MARCHF7: variants seen among roughly 807,000 people sequenced by gnomAD.
MARCHF7 encodes membrane associated ring-CH-type finger 7.
MARCHF7 carries 20 observed loss-of-function variants against 76.5 expected under a neutral mutation model. The observed-to-expected ratio is 0.26, with a 90% CI of 0.18 to 0.38. The LOEUF (loss-of-function observed/expected upper bound fraction) is 0.38, where lower values mean the gene tolerates loss of function less well. MARCHF7 is among the 10% of genes least tolerant of loss of function. The pLI is 1.00. For missense variants in MARCHF7, 797 were observed against 812.9 expected (o/e 0.98, Z 0.24); for synonymous variants, 295 against 293.0 (o/e 1.01, Z -0.07).
At chr2:159,727,592 A>T (rs963496182) in intron 3 of MARCHF7, among the ~76,000 whole-genome samples, 3 of 152,218 alleles carry the variant, frequency 2.0e-5, no homozygotes, top group African/African-American at 7.2e-5. Context: ...CGTCTCAGAA[A>T]AAAAAAGCTT....
rs1341714470 is a variant in MARCHF7, at chr2:159,769,149, A to C, written c.*1807A>C. ...CATACACTGCTCACTACAAGAATGCAATTTTCTAAGAAAATGTAGTTTAAA... is the reference window on the plus strand; with the variant it reads ...CATACACTGCTCACTACAAGAATGCCATTTTCTAAGAAAATGTAGTTTAAA... On this transcript the variant is annotated 3_prime_UTR_variant, in exon 12 of 12. Transcript: ENST00000409175. The C allele has an allele frequency of 6.6e-6, 1 of 152,222 alleles. No homozygotes were observed. Among genetic ancestry groups the C allele is most frequent in the Non-Finnish European group, 1.5e-5 (1 of 68,044 alleles). 9.4% of individuals were successfully genotyped at this position (152,222 alleles called of 1,614,324 possible).
chr2:159,739,129 C>A (rs1296534468), intron 4 of MARCHF7, among the ~76,000 whole-genome samples: 1 of 152,232 alleles, frequency 6.6e-6, no homozygotes, highest in Non-Finnish European at 1.5e-5. Flanking sequence ...AGGGAGGCTT[C>A]TCAGGCCCCT....
chr2:159,745,000 G>C (rs1218479700), intron 5 of MARCHF7, among the ~76,000 whole-genome samples: 1 of 152,196 alleles, frequency 6.6e-6, no homozygotes, highest in Non-Finnish European at 1.5e-5. Context: ...AAGCAACTGT[G>C]GTAGCAGTAA....
rs565931545 is a variant in MARCHF7, at chr2:159,714,046, C to G, written c.-142-511C>G. ...TTTTCCCAGATAAAGCACGAGGATG[C>G]CCAGGTTATGTTCTACATGAAGGTG... On this transcript the variant is annotated intron_variant, in intron 1 of 11. Coordinates refer to ENST00000409175, the MANE Select transcript of MARCHF7 (RefSeq NM_001282805.2). Among the ~76,000 whole-genome samples, 19 of 152,246 alleles carry G rather than the reference C, an allele frequency of 1.2e-4. No individual in the cohort carries two copies. In the East Asian group the frequency reaches 3.7e-3, roughly 29 times the overall value.
At chr2:159,763,257 C>T (rs1241785262) in intron 10 of MARCHF7, among the ~76,000 whole-genome samples, 1 of 152,026 alleles carries the variant, frequency 6.6e-6, no homozygotes, top group Non-Finnish European at 1.5e-5. Flanking sequence ...CATTGAAAAA[C>T]AGAATTGGAA....
chr2:159,764,318 G>GT (rs1440045290), intron 10 of MARCHF7, among the ~76,000 whole-genome samples: 4 of 147,168 alleles, frequency 2.7e-5, no homozygotes, highest in Non-Finnish European at 4.5e-5. Context: ...TTTGTTTTTT[G>GT]TTTTTTTTCC....
chr2:159,720,783 C>T (rs1367979268), intron 3 of MARCHF7, among the ~76,000 whole-genome samples: 1 of 152,190 alleles, frequency 6.6e-6, no homozygotes, highest in East Asian at 1.9e-4. Flanking sequence ...TTTGAACTTC[C>T]ATTTACCAAG....
intron 4 of MARCHF7, among the ~76,000 whole-genome samples, chr2:159,739,136 C>T (rs989076005): frequency 2.0e-5 from 3 of 152,314 alleles, no homozygotes; most frequent in East Asian, 3.9e-4. Flanking sequence ...CTTCTCAGGC[C>T]CCTGAGAGCA....
chr2:159,759,111 TTTC>T lies in MARCHF7; in HGVS notation c.1784-106_1784-104del, dbSNP rs573624989. ...TTACTGCAGAAATGTAATATTTCCTTTTCTTCTTCTTTCCTTTAAGGTTTTATT... is the reference window on the plus strand; with the variant it reads ...TTACTGCAGAAATGTAATATTTCCTTTTCTTCTTTCCTTTAAGGTTTTATT... On this transcript the variant is annotated intron_variant, in intron 8 of 11. Transcript: ENST00000409175. 328 of 628,874 alleles carry T rather than the reference TTTC, an allele frequency of 5.2e-4. 2 individuals are homozygous for T. The South Asian group carries it at 6.4e-3, about 12-fold the overall frequency. The allele number at this position is 628,874 out of a possible 1,614,324, so 39.0% of individuals were successfully genotyped here.
intron 3 of MARCHF7, among the ~76,000 whole-genome samples, chr2:159,727,448 C>T (rs1432608357): frequency 1.2e-4 from 18 of 152,110 alleles, no homozygotes; most frequent in Admixed American, 6.5e-5. Context: ...ATTAGCTGGG[C>T]GTGGTGGCGG....
intron 4 of MARCHF7, among the ~76,000 whole-genome samples, chr2:159,736,182 T>TG (rs952732271): frequency 6.6e-6 from 1 of 152,222 alleles, no homozygotes; most frequent in Non-Finnish European, 1.5e-5. Flanking sequence ...TTCAATCGTT[T>TG]GGGGAACTGC....
At chr2:159,734,546 A>G (rs1411951780) in intron 4 of MARCHF7, among the ~76,000 whole-genome samples, 1 of 152,210 alleles carries the variant, frequency 6.6e-6, no homozygotes, top group East Asian at 1.9e-4. Context: ...ATAAATATGG[A>G]GAGTGGGTCA....
intron 4 of MARCHF7, chr2:159,733,243 A>G: frequency 2.3e-6 from 2 of 871,298 alleles, no homozygotes; most frequent in Non-Finnish European, 2.8e-6. Context: ...AGCATTTTAA[A>G]ATTATTTAGT....
intron 4 of MARCHF7, among the ~76,000 whole-genome samples, chr2:159,742,804 G>T (rs1048521303): frequency 1.3e-5 from 2 of 152,118 alleles, no homozygotes; most frequent in African/African-American, 4.8e-5. Context: ...GGGCGTGGTG[G>T]CACACACCTG....
At chr2:159,733,215 T>C (rs964479556) in intron 4 of MARCHF7, 1 of 868,984 alleles carries the variant, frequency 1.2e-6, no homozygotes, top group African/African-American at 1.8e-5. Context: ...ATTGTTAAGA[T>C]TACTCAGTGT....
chr2:159,766,301 TTATCAGTC>T (rs1707752638), intron 11 of MARCHF7, among the ~76,000 whole-genome samples: 1 of 152,190 alleles, frequency 6.6e-6, no homozygotes. Context: ...GTAGAGTTTA[TTATCAGTC>T]ATGACTTAGT....
intron 11 of MARCHF7, among the ~76,000 whole-genome samples, chr2:159,766,450 C>T (rs10929952): frequency 0.32 from 48,420 of 151,992 alleles, 9,676 homozygotes; most frequent in Admixed American, 0.48. Context: ...AAAGAGAGGG[C>T]ATTAAACCGT....
intron 7 of MARCHF7, among the ~76,000 whole-genome samples, chr2:159,750,218 A>G (rs1574380394): frequency 6.6e-6 from 1 of 152,312 alleles, no homozygotes; most frequent in East Asian, 1.9e-4. Context: ...TTCTTTAGAT[A>G]TTAGTATTTA....
chr2:159,763,913 T>A (rs527244255), intron 10 of MARCHF7, among the ~76,000 whole-genome samples: 1 of 152,298 alleles, frequency 6.6e-6, no homozygotes, highest in East Asian at 1.9e-4. Context: ...GCATTCAGAA[T>A]TTGAGCAAAG....
Sources: allele counts gnomAD v4.1 joint callset (sites outside exome capture counted in the v4.1 genomes callset), GRCh38; gene constraint gnomAD v4.1.1; transcripts MANE v1.5; gene names NCBI Gene and HGNC (gene_info 2026-07-23, HGNC 2026-07-21).